ZC3H18: variants seen among roughly 807,000 people sequenced by gnomAD.
ZC3H18 encodes zinc finger CCCH-type containing 18, also known as zinc finger CCCH domain-containing protein 18.
A neutral mutation model predicts 106.1 loss-of-function variants in ZC3H18; 8 were observed. The ratio of observed to expected loss-of-function variants is 0.08; its 90% CI spans 0.04 to 0.14. The LOEUF is 0.14. Ranked by LOEUF, ZC3H18 falls within the 10% of genes least tolerant of loss-of-function variation. The pLI, the probability that ZC3H18 is intolerant of heterozygous loss-of-function variation, is 1.00. For synonymous variants in ZC3H18, 635 were observed against 522.1 expected (o/e 1.22, Z -2.95); for missense variants, 1,318 against 1,278.4 (o/e 1.03, Z -0.47).
chr16:88,590,015 G>A (rs531421168), intron 3 of ZC3H18, among the ~76,000 whole-genome samples: 1 of 152,328 alleles, frequency 6.6e-6, no homozygotes, highest in African/African-American at 2.4e-5. Flanking sequence ...GGGCATGGTA[G>A]CTCATACCTG....
chr16:88,595,130 A>G (rs1370013434), intron 3 of ZC3H18, among the ~76,000 whole-genome samples: 5 of 152,228 alleles, frequency 3.3e-5, no homozygotes, highest in Non-Finnish European at 7.3e-5. Flanking sequence ...CAGCCTGGGC[A>G]ACAAGAACAA....
intron 1 of ZC3H18, among the ~76,000 whole-genome samples, chr16:88,571,049 G>A (rs868195291): frequency 6.6e-6 from 1 of 152,256 alleles, no homozygotes; most frequent in Non-Finnish European, 1.5e-5. Context: ...GTTGGGCGCA[G>A]TGATTGCCCC....
At chr16:88,624,223 C>T (rs1597358818) in intron 11 of ZC3H18, 161 bp downstream of exon 11, 1 of 973,580 alleles carries the variant, frequency 1.0e-6, no homozygotes, top group African/African-American at 1.6e-5. Flanking sequence ...GCACTGGGCA[C>T]AGCTCCTGTT....
At chr16:88,614,530 G>C (rs1389411299) in intron 8 of ZC3H18, among the ~76,000 whole-genome samples, 1 of 152,170 alleles carries the variant, frequency 6.6e-6, no homozygotes, top group Non-Finnish European at 1.5e-5. Flanking sequence ...AGTTTTGACT[G>C]TTTTCATTCT....
At position 88,631,017 on chromosome 16, in the gene ZC3H18, T is replaced by C; in HGVS notation, c.2664-84T>C. ...GTCCTGGTGGCCGCTGAGGACACAG[T>C]GGAAGCGCCCCTACGGGGAGGTCAC... On this transcript the variant is annotated intron_variant, in intron 17 of 17. Coordinates refer to ENST00000301011, the MANE Select transcript of ZC3H18 (RefSeq NM_144604.4). 4 of 1,558,180 alleles carry C rather than the reference T, an allele frequency of 2.6e-6. No individual in the cohort carries two copies. The South Asian group carries it at 3.4e-5, about 13-fold the overall frequency.
intron 6 of ZC3H18, among the ~76,000 whole-genome samples, chr16:88,608,321 A>T (rs1472532493): frequency 1.3e-5 from 2 of 150,846 alleles, no homozygotes; most frequent in African/African-American, 2.4e-5. Flanking sequence ...GTATATTTTT[A>T]TCATGCTAAA....
rs1217550531 is a variant in ZC3H18, at chr16:88,628,642, G to A, written c.2470-116G>A. The stretch of plus-strand genomic sequence containing the variant: ...GGGCTACGGGGTCTCATGGGTGTGT[G>A]GTGGGACCTTTGGGAGCAGAGCAGG... On this transcript the variant is annotated intron_variant, in intron 15 of 17. Coordinates refer to ENST00000301011, the MANE Select transcript of ZC3H18 (RefSeq NM_144604.4). 4.5e-6 allele frequency: 5 copies of A among 1,102,372 alleles called. No individual in the cohort carries two copies. In the Admixed American group the frequency reaches 7.4e-5, roughly 16 times the overall value. The allele number at this position is 1,102,372 out of a possible 1,614,324, so 68.3% of individuals were successfully genotyped here.
chr16:88,601,889 A>G lies in ZC3H18; in HGVS notation c.1088+1941A>G, dbSNP rs377692797. Among the ~76,000 whole-genome samples, 2 of 151,908 alleles carry G rather than the reference A, an allele frequency of 1.3e-5. 1 individual carries two copies. ...TGGCGAGGTGCCCTGGCTGTTTCTG[A>G]TAGACACAGTGGAAAGAACTGTCAG... On this transcript the variant is annotated intron_variant, in intron 6 of 17. Transcript: ENST00000301011.
At chr16:88,606,405 G>A (rs553645630) in intron 6 of ZC3H18, among the ~76,000 whole-genome samples, 8 of 152,204 alleles carry the variant, frequency 5.3e-5, no homozygotes, top group East Asian at 3.8e-4. Context: ...ATTCCTATCC[G>A]CTCATCCACG....
chr16:88,630,267 G>A lies in ZC3H18; in HGVS notation c.2567-218G>A, dbSNP rs569857762. 45 of 510,438 alleles carry A rather than the reference G, an allele frequency of 8.8e-5. No individual in the cohort carries two copies. The South Asian group carries it at 1.2e-3, about 14-fold the overall frequency. The allele number at this position is 510,438 out of a possible 1,614,324, so 31.6% of individuals were successfully genotyped here. A position where few individuals can be genotyped will look rare whatever the true frequency, so the allele number is the denominator to read the frequency against. The stretch of plus-strand genomic sequence containing the variant: ...AGATATTGGCTGCTTGCTGGAACCT[G>A]GGGCCCAGGTTTGGCCTCAGCCTCA... On this transcript the variant is annotated intron_variant, in intron 16 of 17. Coordinates refer to ENST00000301011, the MANE Select transcript of ZC3H18 (RefSeq NM_144604.4).
chr16:88,622,876 T>C (rs1029105518), intron 9 of ZC3H18: 5 of 329,732 alleles, frequency 1.5e-5, no homozygotes, highest in African/African-American at 1.1e-4. Flanking sequence ...GAGGCCAGGC[T>C]TCACTGAAAG....
At chr16:88,596,718 C>T (rs997773003) in intron 3 of ZC3H18, among the ~76,000 whole-genome samples, 1 of 152,152 alleles carries the variant, frequency 6.6e-6, no homozygotes, top group African/African-American at 2.4e-5. Flanking sequence ...TGTACTTGGA[C>T]ATTTTTTACA....
chr16:88,628,141 G>A (rs1399109004), intron 15 of ZC3H18, 22 bp downstream of exon 15: 2 of 1,608,670 alleles, frequency 1.2e-6, no homozygotes, highest in Admixed American at 1.7e-5. Flanking sequence ...GGCCCTCCTG[G>A]TGGCTGCCCC....
intron 8 of ZC3H18, among the ~76,000 whole-genome samples, chr16:88,614,588 C>T (rs1293648071): frequency 2.0e-5 from 3 of 152,246 alleles, no homozygotes; most frequent in Non-Finnish European, 4.4e-5. Context: ...ATTTGTCATA[C>T]TTTCCTAACA....
At chr16:88,598,106 C>T in intron 3 of ZC3H18, 72 bp from the exon 4 acceptor site, 1 of 331,808 alleles carries the variant, frequency 3.0e-6, no homozygotes. Context: ...CCTCCCACCC[C>T]CCACCCCAGC....
At chr16:88,570,652 G>T (rs1413138155) in intron 1 of ZC3H18, 86 bp downstream of exon 1, 7 of 150,950 alleles carry the variant, frequency 4.6e-5, no homozygotes, top group South Asian at 1.9e-4. Context: ...GCGGCCGCGG[G>T]AGGGAGGCCC....
intron 11 of ZC3H18, 111 bp from the exon 12 acceptor site, chr16:88,624,491 G>A (rs543969297): frequency 2.7e-5 from 41 of 1,534,212 alleles, no homozygotes; most frequent in South Asian, 1.0e-4. Context: ...CTCACCGAGC[G>A]TCACAGGCAT....
In ZC3H18 at chr16:88,631,092, C is replaced by G; in HGVS notation, c.2664-9C>G. ...CTGGGGGCTCAAGGTCTTCCCCACC[C>G]CCTTGTAGGAAGCGCCAGCTGTCAC... On this transcript the variant is annotated splice_polypyrimidine_tract_variant and intron_variant, in intron 17 of 17. Transcript: ENST00000301011. 1 of 1,611,354 alleles carries G rather than the reference C, an allele frequency of 6.2e-7. No homozygotes were observed. The highest frequency in any genetic ancestry group is 8.5e-7 in the Non-Finnish European group (1 of 1,179,974).
In ZC3H18 at chr16:88,582,968, G is replaced by A. The variant is rs1915221778; in HGVS notation, c.604-3632G>A. On this transcript the variant is annotated intron_variant, in intron 2 of 17. Coordinates refer to ENST00000301011, the MANE Select transcript of ZC3H18 (RefSeq NM_144604.4). ...ATATTTCTGAATTCTCAAGACACCTGGCCCCACAGGTTTCAGTTAAGGAAT... is the reference window on the plus strand; with the variant it reads ...ATATTTCTGAATTCTCAAGACACCTAGCCCCACAGGTTTCAGTTAAGGAAT... 2.0e-5 allele frequency among the ~76,000 whole-genome samples: 3 copies of A among 152,308 alleles called. No individual in the cohort carries two copies. In the Middle Eastern group the frequency reaches 0.01, roughly 518 times the overall value.
Sources: allele counts gnomAD v4.1 joint callset (sites outside exome capture counted in the v4.1 genomes callset), GRCh38; gene constraint gnomAD v4.1.1; transcripts MANE v1.5; gene names NCBI Gene and HGNC (gene_info 2026-07-23, HGNC 2026-07-21).